Variants in SNX31 observed in about 807,000 individuals in gnomAD.
SNX31 encodes the protein sorting nexin-31.
Under a neutral mutation model 65.4 loss-of-function variants are expected in SNX31, and 58 were observed. The ratio of observed to expected loss-of-function variants is 0.89; its 90% CI spans 0.72 to 1.10. The LOEUF (loss-of-function observed/expected upper bound fraction) is 1.10, where lower values mean the gene tolerates loss of function less well. Ranked by LOEUF, SNX31 falls within the 50% of genes least tolerant of loss-of-function variation. The pLI is 0.00. For missense variants in SNX31, 523 were observed against 529.7 expected (o/e 0.99, Z 0.12); for synonymous variants, 181 against 190.1 (o/e 0.95, Z 0.39).
In SNX31 at chr8:100,609,385, T is replaced by C. The variant is rs10504999; in HGVS notation, c.612-822A>G. Among the ~76,000 whole-genome samples the C allele has an allele frequency of 0.045, 6,889 of 152,266 alleles. 525 individuals are homozygous for C. The highest frequency in any genetic ancestry group is 0.15 in the African/African-American group (6,333 of 41,506). ...CCTGAGTTTATTCCAATTGCCACTC[T>C]GATTAAGTTTTCTTGACACCATCTG... is the stretch of plus-strand genomic sequence containing the variant. On this transcript the variant is annotated intron_variant, in intron 7 of 13. Coordinates refer to ENST00000311812, the MANE Select transcript of SNX31 (RefSeq NM_152628.4). This position sits in a 1 kb window ranked among gnomAD's most constrained non-coding sequence, Gnocchi z 4.9.
chr8:100,583,134 T>C (rs1813707492), intron 12 of SNX31, among the ~76,000 whole-genome samples: 1 of 150,436 alleles, frequency 6.6e-6, no homozygotes, highest in Non-Finnish European at 1.5e-5. Flanking sequence ...TAAGATGGAG[T>C]CTCACTCTGT....
intron 10 of SNX31, among the ~76,000 whole-genome samples, chr8:100,593,873 A>G (rs1055857222): frequency 6.2e-5 from 9 of 144,706 alleles, no homozygotes; most frequent in Non-Finnish European, 1.2e-4. Flanking sequence ...AAACTTCAGC[A>G]TCTATAACAG....
rs1217867240 is a variant in SNX31 at position 100,610,117 on chromosome 8, G to A, written c.612-1554C>T. On this transcript the variant is annotated intron_variant, in intron 7 of 13. Transcript: ENST00000311812. The surrounding 1 kb of genome is among the most constrained non-coding windows in gnomAD (Gnocchi z 4.0). ...GATCCTCAGCTCTGACAATAGAAGT[G>A]GAACCTCCTTTCTTCCCAGTTCCCA... Among the ~76,000 whole-genome samples the A allele has an allele frequency of 6.6e-6, 1 of 152,172 alleles. No homozygotes were observed. Among genetic ancestry groups the A allele is most frequent in the African/African-American group, 2.4e-5 (1 of 41,458 alleles).
In SNX31 at chr8:100,625,411, A is replaced by T. The variant is rs796964914; in HGVS notation, c.321+4916T>A. On this transcript the variant is annotated intron_variant, in intron 4 of 13. Coordinates refer to ENST00000311812, the MANE Select transcript of SNX31 (RefSeq NM_152628.4). The surrounding 1 kb of genome is among the most constrained non-coding windows in gnomAD (Gnocchi z 4.2). Reference sequence around the variant, plus strand: ...TGGATGCGCACCATGGCTATTAGACATTCCTCTGCCTCAGAGCAGAATAGC... The same window carrying T: ...TGGATGCGCACCATGGCTATTAGACTTTCCTCTGCCTCAGAGCAGAATAGC... 1.4e-4 allele frequency among the ~76,000 whole-genome samples: 21 copies of T among 149,752 alleles called. No individual in the cohort carries two copies. The highest frequency in any genetic ancestry group is 4.4e-4 in the African/African-American group (18 of 40,952).
chr8:100,594,181 G>A lies in SNX31; in HGVS notation c.978+2458C>T, dbSNP rs949687893. ...TAGCCCTGCCTGGTGGTGCATGCCT[G>A]TAATCCCAGCTACTTGGGAGGCTGA... On this transcript the variant is annotated intron_variant, in intron 10 of 13. Coordinates refer to ENST00000311812, the MANE Select transcript of SNX31 (RefSeq NM_152628.4). This position sits in a 1 kb window ranked among gnomAD's most constrained non-coding sequence, Gnocchi z 4.0. Among the ~76,000 whole-genome samples the A allele has an allele frequency of 1.8e-4, 27 of 152,142 alleles. No homozygotes were observed. The highest frequency in any genetic ancestry group is 3.2e-4 in the Non-Finnish European group (22 of 68,032).
rs116132483 is a variant in SNX31 at position 100,602,086 on chromosome 8, T to A, written c.682-1645A>T. On this transcript the variant is annotated intron_variant, in intron 8 of 13. Coordinates refer to ENST00000311812, the MANE Select transcript of SNX31 (RefSeq NM_152628.4). Reference sequence around the variant, plus strand: ...CATTGTCCCTCAGTTAGGCTGTCAATCCCTAAGGGAAGACCCCGCGCCCGT... The same window carrying A: ...CATTGTCCCTCAGTTAGGCTGTCAAACCCTAAGGGAAGACCCCGCGCCCGT... 6.3e-3 allele frequency among the ~76,000 whole-genome samples: 958 copies of A among 152,244 alleles called. 17 individuals carry two copies. The highest frequency in any genetic ancestry group is 0.022 in the African/African-American group (928 of 41,550).
At chr8:100,611,154 G>A (rs1195645759) in intron 7 of SNX31, among the ~76,000 whole-genome samples, 1 of 152,196 alleles carries the variant, frequency 6.6e-6, no homozygotes. Context: ...TTAGGCATGT[G>A]TAAGCCCAGT....
Position 100,629,177 on chromosome 8 carries a change from A to G in SNX31, c.321+1150T>C, listed in dbSNP as rs554875641. Among the ~76,000 whole-genome samples, 1 of 152,134 alleles carries G rather than the reference A, an allele frequency of 6.6e-6. No individual in the cohort carries two copies. Among genetic ancestry groups the G allele is most frequent in the Non-Finnish European group, 1.5e-5 (1 of 67,994 alleles). On this transcript the variant is annotated intron_variant, in intron 4 of 13. Coordinates refer to ENST00000311812, the MANE Select transcript of SNX31 (RefSeq NM_152628.4). This position sits in a 1 kb window ranked among gnomAD's most constrained non-coding sequence, Gnocchi z 5.1. Reference sequence around the variant, plus strand: ...TGTGTATATATATGTGTGCATGTACATATATATGTATATATATGCATGCTT... The same window carrying G: ...TGTGTATATATATGTGTGCATGTACGTATATATGTATATATATGCATGCTT...
intron 10 of SNX31, among the ~76,000 whole-genome samples, chr8:100,592,017 A>C (rs949063076): frequency 1.3e-5 from 2 of 152,226 alleles, no homozygotes; most frequent in African/African-American, 4.8e-5. Context: ...CAAACAGTAG[A>C]AAAATCAATC....
rs1018076989 is a variant in SNX31 at position 100,630,659 on chromosome 8, A to C, written c.257-268T>G. 2.0e-5 allele frequency among the ~76,000 whole-genome samples: 3 copies of C among 152,208 alleles called. No individual in the cohort carries two copies. Among genetic ancestry groups the C allele is most frequent in the African/African-American group, 7.2e-5 (3 of 41,448 alleles). The stretch of plus-strand genomic sequence containing the variant: ...TTTATACAAACCCATACTACTGAAC[A>C]TCCATTTTGCTGCCCTACCAGGATG... On this transcript the variant is annotated intron_variant, in intron 3 of 13. Transcript: ENST00000311812. This position sits in a 1 kb window ranked among gnomAD's most constrained non-coding sequence, Gnocchi z 5.3.
At position 100,612,058 on chromosome 8, in the gene SNX31, G is replaced by A; in HGVS notation, c.553C>T (p.Pro185Ser). 5.0e-6 allele frequency: 8 copies of A among 1,614,074 alleles called. No individual in the cohort carries two copies. In the South Asian group the frequency reaches 7.7e-5, roughly 16 times the overall value. The change falls in exon 7 of 14, where the codon CCT becomes TCT. Residue 185 changes from proline to serine, a missense_variant. By Grantham distance (74) the Pro-to-Ser change is moderately conservative (BLOSUM62 -1). Transcript: ENST00000311812. The surrounding 1 kb of genome is among the most constrained non-coding windows in gnomAD (Gnocchi z 4.3). ...TCAGAACTTCCAAGACTAACATAAG[G>A]GAGTTCAAAGTCAGCCAATTTTTTC... ...VVKKLADFEL[P>S]YVSLGSSEVE... is the part of the protein sequence containing the mutation.
At chr8:100,601,518 T>C (rs1459819582) in intron 8 of SNX31, among the ~76,000 whole-genome samples, 1 of 152,266 alleles carries the variant, frequency 6.6e-6, no homozygotes, top group South Asian at 2.1e-4. Flanking sequence ...CCCAAAGAGT[T>C]AATCAATAGT....
chr8:100,641,972 G>A (rs961209550), intron 2 of SNX31, among the ~76,000 whole-genome samples: 1 of 151,898 alleles, frequency 6.6e-6, no homozygotes, highest in Non-Finnish European at 1.5e-5. Flanking sequence ...CCAGCTACTC[G>A]GGAGGCTGAG....
At chr8:100,597,035 G>T (rs1369708852) in intron 9 of SNX31, among the ~76,000 whole-genome samples, 193 bp from the exon 10 acceptor site, 1 of 152,172 alleles carries the variant, frequency 6.6e-6, no homozygotes, top group African/African-American at 2.4e-5. Context: ...AAGCCCGGGG[G>T]AAATTCATGG....
intron 4 of SNX31, among the ~76,000 whole-genome samples, chr8:100,619,617 A>G (rs909488184): frequency 6.6e-6 from 1 of 152,302 alleles, no homozygotes; most frequent in African/African-American, 2.4e-5. Context: ...GGCTGCCCAC[A>G]TGGGGCCTTG....
At chr8:100,617,537 A>G (rs1412701470) in intron 5 of SNX31, 83 bp downstream of exon 5, 3 of 930,402 alleles carry the variant, frequency 3.2e-6, no homozygotes, top group Admixed American at 2.2e-5. Flanking sequence ...AGCTCCTGGA[A>G]GGTAACCGTA....
intron 2 of SNX31, among the ~76,000 whole-genome samples, chr8:100,643,489 G>A (rs1587078622): frequency 6.6e-6 from 1 of 151,982 alleles, no homozygotes; most frequent in Admixed American, 6.6e-5. Flanking sequence ...CCAGATAAAG[G>A]GCCACAGCTC....
At chr8:100,653,434 G>T (rs1338037053), upstream of SNX31, among the ~76,000 whole-genome samples, 1 of 152,168 alleles carries the variant, frequency 6.6e-6, no homozygotes, top group Non-Finnish European at 1.5e-5. Flanking sequence ...GATTAGGGCA[G>T]CTCCACATCC....
Position 100,585,566 on chromosome 8 carries a change from G to A in SNX31, c.1093-1378C>T, listed in dbSNP as rs1027829991. Among the ~76,000 whole-genome samples the A allele has an allele frequency of 2.6e-5, 4 of 152,156 alleles. No homozygotes were observed. In the South Asian group the frequency reaches 8.3e-4, roughly 32 times the overall value. ...TACAGGAATTAATTTTATTTAAAAG[G>A]GGAAAAGAGGGAAGAGAGAAAAAAG... On this transcript the variant is annotated intron_variant, in intron 11 of 13. Transcript: ENST00000311812.
Sources: allele counts gnomAD v4.1 joint callset (sites outside exome capture counted in the v4.1 genomes callset), GRCh38; gene constraint gnomAD v4.1.1; non-coding constraint Gnocchi (gnomAD v3.1); transcripts MANE v1.5; gene names NCBI Gene and HGNC (gene_info 2026-07-23, HGNC 2026-07-21).